SORCS1: variants seen among roughly 807,000 people sequenced by gnomAD.
SORCS1 encodes VPS10 domain-containing receptor SorCS1.
SORCS1 carries 60 observed loss-of-function variants against 146.1 expected under a neutral mutation model. The ratio of observed to expected loss-of-function variants is 0.41; its 90% confidence interval spans 0.33 to 0.51. The LOEUF (loss-of-function observed/expected upper bound fraction) is 0.51. Among genes scored for constraint, SORCS1 ranks in the 20% least tolerant of loss-of-function variants. The pLI is 0.21. For missense variants in SORCS1, 1,352 were observed against 1,487.6 expected, an observed-to-expected ratio of 0.91 and a Z score of 1.50; for synonymous variants, 637 against 584.0, an observed-to-expected ratio of 1.09 and a Z score of -1.31.
At chr10:106,813,113 T>C (rs922855449) in intron 3 of SORCS1, among the ~76,000 whole-genome samples, 1 of 150,674 alleles carries the variant, frequency 6.6e-6, no homozygotes. Context: ...TCTTTGTTTC[T>C]TTTTCTTCTC....
intron 9 of SORCS1, among the ~76,000 whole-genome samples, chr10:106,691,977 T>C (rs1853330342): frequency 6.6e-6 from 1 of 152,190 alleles, no homozygotes; most frequent in African/African-American, 2.4e-5. Context: ...CGGATTGTCA[T>C]TCACTCCACC....
At chr10:107,172,224 C>T in the SORCS1 span, among the ~76,000 whole-genome samples, 1 of 152,134 alleles carries the variant, frequency 6.6e-6, no homozygotes, top group Non-Finnish European at 1.5e-5. Flanking sequence ...CTTAGACTTC[C>T]ATTAACTACT....
intron 1 of SORCS1, among the ~76,000 whole-genome samples, chr10:107,155,504 C>A (rs1969205807): frequency 6.6e-6 from 1 of 152,196 alleles, no homozygotes; most frequent in Non-Finnish European, 1.5e-5. Context: ...GTTAAGAATT[C>A]TTCTACCATT....
At chr10:107,008,864 G>GC (rs1957565283) in intron 1 of SORCS1, among the ~76,000 whole-genome samples, 1 of 152,334 alleles carries the variant, frequency 6.6e-6, no homozygotes, top group Admixed American at 6.5e-5. Context: ...GGGCATGGTG[G>GC]CGGGTGCCTG....
At chr10:106,872,102 G>A (rs1408145793) in intron 2 of SORCS1, among the ~76,000 whole-genome samples, 1 of 152,170 alleles carries the variant, frequency 6.6e-6, no homozygotes, top group African/African-American at 2.4e-5. Context: ...AAACATATAA[G>A]TAATTTTTAA....
intron 2 of SORCS1, among the ~76,000 whole-genome samples, chr10:106,938,319 C>A (rs1375872837): frequency 6.6e-6 from 1 of 152,138 alleles, no homozygotes; most frequent in Non-Finnish European, 1.5e-5. Context: ...TTGATCTTTG[C>A]CCTACTACAA....
At chr10:107,152,605 A>G (rs1164715315) in intron 1 of SORCS1, among the ~76,000 whole-genome samples, 2 of 152,102 alleles carry the variant, frequency 1.3e-5, no homozygotes, top group East Asian at 1.9e-4. Flanking sequence ...TGATGGTTTT[A>G]TAAGGGGCTT....
intron 3 of SORCS1, among the ~76,000 whole-genome samples, chr10:106,818,805 C>CCGAAAGA (rs1301200849): frequency 6.6e-6 from 1 of 152,186 alleles, no homozygotes; most frequent in Non-Finnish European, 1.5e-5. Context: ...AGTACATACA[C>CCGAAAGA]CGAAAGACTG....
At chr10:106,676,075 T>G (rs1195981960) in intron 13 of SORCS1, among the ~76,000 whole-genome samples, 1 of 152,230 alleles carries the variant, frequency 6.6e-6, no homozygotes, top group African/African-American at 2.4e-5. Context: ...CGAGGACCTT[T>G]TCTTTGCTCT....
At chr10:106,878,834 G>A (rs963614087) in intron 2 of SORCS1, among the ~76,000 whole-genome samples, 1 of 151,120 alleles carries the variant, frequency 6.6e-6, no homozygotes, top group Non-Finnish European at 1.5e-5. Context: ...CCATGTAAGT[G>A]AGGAAATACT....
At chr10:107,116,079 C>T (rs1055248981) in intron 1 of SORCS1, among the ~76,000 whole-genome samples, 4 of 151,902 alleles carry the variant, frequency 2.6e-5, no homozygotes, top group African/African-American at 7.3e-5. Context: ...CCACTTCATA[C>T]ATAGTAGGAT....
At chr10:106,635,418 A>G (rs958559966) in intron 18 of SORCS1, among the ~76,000 whole-genome samples, 1 of 152,214 alleles carries the variant, frequency 6.6e-6, no homozygotes, top group African/African-American at 2.4e-5. Context: ...AAAATAAGCA[A>G]CAAATAACAC....
At chr10:106,978,091 C>T (rs910460400) in intron 1 of SORCS1, among the ~76,000 whole-genome samples, 2 of 152,076 alleles carry the variant, frequency 1.3e-5, no homozygotes, top group Non-Finnish European at 2.9e-5. Context: ...TTATAGGCAC[C>T]CACCATCACA....
chr10:106,854,695 A>G (rs918620183), intron 2 of SORCS1, among the ~76,000 whole-genome samples: 2 of 152,058 alleles, frequency 1.3e-5, no homozygotes, highest in Non-Finnish European at 2.9e-5. Context: ...TTCACTTCTA[A>G]TAACAACACA....
intron 21 of SORCS1, among the ~76,000 whole-genome samples, chr10:106,617,898 CT>C (rs1280273664): frequency 6.6e-6 from 1 of 152,196 alleles, no homozygotes; most frequent in East Asian, 1.9e-4. Flanking sequence ...CTAAAATCCA[CT>C]TTACACTATG....
chr10:106,701,481 G>T (rs1275185247), intron 8 of SORCS1, among the ~76,000 whole-genome samples: 1 of 152,118 alleles, frequency 6.6e-6, no homozygotes, highest in Non-Finnish European at 1.5e-5. Context: ...GACAAAATTA[G>T]TATCTCACTA....
chr10:106,937,704 C>T lies in SORCS1; in HGVS notation c.626+18809G>A, dbSNP rs557055560. On this transcript the variant is annotated intron_variant, in intron 2 of 25. Coordinates refer to ENST00000263054, the MANE Select transcript of SORCS1 (RefSeq NM_052918.5). ...CTAGGCTGGGCACGGTGGCTCATGC[C>T]TGTAATCCCAGCACTTTGGGGGGCT... Among the ~76,000 whole-genome samples, 130 of 152,198 alleles carry T rather than the reference C, an allele frequency of 8.5e-4. 1 individual carries two copies. Among genetic ancestry groups the T allele is most frequent in the African/African-American group, 3.1e-3 (128 of 41,528 alleles).
At chr10:106,672,776 G>T in intron 15 of SORCS1, 92 bp downstream of exon 15, 1 of 1,020,154 alleles carries the variant, frequency 9.8e-7, no homozygotes, top group Non-Finnish European at 1.5e-6. Context: ...TTGGCCTAGA[G>T]CATCCTAGTT....
At chr10:107,043,456 A>T (rs1389701006) in intron 1 of SORCS1, among the ~76,000 whole-genome samples, 17 of 152,214 alleles carry the variant, frequency 1.1e-4, no homozygotes, top group Admixed American at 1.1e-3. Flanking sequence ...TAAGGGAAAC[A>T]GGCAATAACT....
Sources: gnomAD v4.1 joint callset for allele counts (sites outside exome capture counted in the v4.1 genomes callset) on GRCh38, gnomAD v4.1.1 for gene constraint, MANE v1.5 for transcripts, NCBI Gene and HGNC (gene_info 2026-07-23, HGNC 2026-07-21) for gene names.